The following SP140 variants were observed in gnomAD, a reference collection of about 807,000 sequenced individuals.
SP140 encodes the protein nuclear body protein SP140.
In SP140, 81 loss-of-function variants were observed where a neutral mutation model predicts 125.0. The observed-to-expected ratio is 0.65, with a 90% CI of 0.54 to 0.78. The LOEUF (loss-of-function observed/expected upper bound fraction) is 0.78. SP140 is among the 30% of genes least tolerant of loss of function. The pLI, the probability that SP140 is intolerant of heterozygous loss-of-function variation, is 0.00. For missense variants in SP140, 858 were observed against 1,037.0 expected, an observed-to-expected ratio of 0.83 and a Z score of 2.37; for synonymous variants, 312 against 354.0, an observed-to-expected ratio of 0.88 and a Z score of 1.33.
At chr2:230,236,968 T>G in intron 1 of SP140, 115 bp from the exon 2 acceptor site, 1 of 702,488 alleles carries the variant, frequency 1.4e-6, no homozygotes, top group Non-Finnish European at 2.3e-6. Context: ...ACAAGAATGC[T>G]TATTTTATAC....
intron 19 of SP140, among the ~76,000 whole-genome samples, chr2:230,291,698 T>C (rs1369942520): frequency 2.6e-5 from 4 of 152,254 alleles, no homozygotes; most frequent in African/African-American, 9.6e-5. Flanking sequence ...TTGGCTATTA[T>C]AAATAATGCT....
downstream of SP140, among the ~76,000 whole-genome samples, chr2:230,313,638 G>A (rs919046740): frequency 1.3e-5 from 2 of 152,132 alleles, no homozygotes; most frequent in Non-Finnish European, 2.9e-5. Flanking sequence ...CTTGCTTAAG[G>A]GACTTCATCC....
intron 1 of SP140, among the ~76,000 whole-genome samples, chr2:230,232,190 CTTGGGGT>C (rs2047357420): frequency 1.3e-5 from 2 of 152,152 alleles, no homozygotes; most frequent in African/African-American, 2.4e-5. Context: ...AGAGATTTTT[CTTGGGGT>C]TTGTGGAGGT....
rs567906469 is a variant in SP140, at chr2:230,257,574, C to T, written c.1240+2042C>T. On this transcript the variant is annotated intron_variant, in intron 12 of 26. Transcript: ENST00000392045. The stretch of plus-strand genomic sequence containing the variant: ...TTGAGGTCAGGAGTTCAAGGCCAGC[C>T]GGGCCAACATGGCAAAACCCCATCT... Among the ~76,000 whole-genome samples, 11 of 152,152 alleles carry T rather than the reference C, an allele frequency of 7.2e-5. No homozygotes were observed. In the South Asian group the frequency reaches 1.7e-3, roughly 23 times the overall value.
At chr2:230,253,098 A>T in intron 10 of SP140, among the ~76,000 whole-genome samples, 1 of 152,318 alleles carries the variant, frequency 6.6e-6, no homozygotes, top group Middle Eastern at 3.4e-3. Context: ...CCAGTTGGAG[A>T]GAAGATCAGA....
At chr2:230,224,070 G>A (rs2046042323), upstream of SP140, among the ~76,000 whole-genome samples, 1 of 152,178 alleles carries the variant, frequency 6.6e-6, no homozygotes, top group Non-Finnish European at 1.5e-5. Context: ...ACAAGATAGT[G>A]GGAAATAGAA....
the SP140 span, among the ~76,000 whole-genome samples, chr2:230,194,670 A>G: frequency 0.028 from 4,244 of 152,272 alleles, 196 homozygotes; most frequent in African/African-American, 0.096. Context: ...TGAACACTCT[A>G]TGACTCCAAA....
rs1373908452 is a variant in SP140, at chr2:230,285,699, C to T, written c.1565-53C>T. The T allele has an allele frequency of 4.2e-6, 6 of 1,428,774 alleles. No homozygotes were observed. In the East Asian group the frequency reaches 1.1e-4, roughly 27 times the overall value. 88.5% of individuals were successfully genotyped at this position (1,428,774 alleles called of 1,614,324 possible). Reference sequence around the variant, plus strand: ...CTCACTTGCGTTTGTTCCTGCCTGACAGCTGTTGTTCTGCCCAGTTCTATT... The same window carrying T: ...CTCACTTGCGTTTGTTCCTGCCTGATAGCTGTTGTTCTGCCCAGTTCTATT... On this transcript the variant is annotated intron_variant, in intron 16 of 26. Coordinates refer to ENST00000392045, the MANE Select transcript of SP140 (RefSeq NM_007237.5).
chr2:230,256,732 G>T (rs1020299900), intron 12 of SP140, among the ~76,000 whole-genome samples: 1 of 152,072 alleles, frequency 6.6e-6, no homozygotes, highest in Non-Finnish European at 1.5e-5. Flanking sequence ...TTCCTCTGCT[G>T]GTAGATACTT....
chr2:230,215,263 G>T (rs2044983454), intron 3 of SP140: 2 of 688,382 alleles, frequency 2.9e-6, no homozygotes, highest in Non-Finnish European at 4.9e-6. Context: ...ATTCTCTAAG[G>T]TAGAGCGGTC....
At chr2:230,293,121 C>A (rs1439727502) in intron 20 of SP140, among the ~76,000 whole-genome samples, 1 of 152,128 alleles carries the variant, frequency 6.6e-6, no homozygotes, top group Non-Finnish European at 1.5e-5. Flanking sequence ...GAAAGAATGG[C>A]ATAAAAGCCA....
intron 15 of SP140, among the ~76,000 whole-genome samples, chr2:230,276,647 A>G (rs955418972): frequency 3.1e-5 from 4 of 129,272 alleles, no homozygotes; most frequent in Non-Finnish European, 4.9e-5. Flanking sequence ...TATTTAAGAA[A>G]CACATGTTGT....
At chr2:230,233,024 C>A (rs897637828) in intron 1 of SP140, among the ~76,000 whole-genome samples, 5 of 151,954 alleles carry the variant, frequency 3.3e-5, no homozygotes, top group African/African-American at 1.2e-4. Context: ...CTATTTTGAC[C>A]ATTTATAATT....
chr2:230,275,047 G>A (rs1179939584), intron 15 of SP140, among the ~76,000 whole-genome samples: 2 of 151,900 alleles, frequency 1.3e-5, no homozygotes, highest in East Asian at 1.9e-4. Flanking sequence ...TTTGTTATTG[G>A]CCATTTTTGT....
chr2:230,196,578 C>T, the SP140 span, among the ~76,000 whole-genome samples: 3 of 151,346 alleles, frequency 2.0e-5, no homozygotes, highest in Non-Finnish European at 2.9e-5. Context: ...TTTTAGGGTA[C>T]ATGTGCACAA....
upstream of SP140, chr2:230,200,441 C>T (rs1224697805): frequency 1.6e-5 from 3 of 186,920 alleles, no homozygotes; most frequent in Admixed American, 5.5e-5. Flanking sequence ...ATGAGTTTTT[C>T]GCTTCTCAAT....
intron 3 of SP140, chr2:230,239,216 T>C (rs1178203638): frequency 3.4e-6 from 1 of 291,570 alleles, no homozygotes; most frequent in East Asian, 9.2e-5. Context: ...ATACTGTGCA[T>C]GCCTCCTTTG....
At chr2:230,266,573 C>G (rs1233396694) in intron 12 of SP140, among the ~76,000 whole-genome samples, 1 of 152,240 alleles carries the variant, frequency 6.6e-6, no homozygotes, top group Non-Finnish European at 1.5e-5. Context: ...ACTTAGTTCT[C>G]TGCTTAGAGT....
chr2:230,223,903 G>A (rs527328008), upstream of SP140, among the ~76,000 whole-genome samples: 1 of 152,168 alleles, frequency 6.6e-6, no homozygotes, highest in Non-Finnish European at 1.5e-5. Flanking sequence ...TCTGGATGGG[G>A]GAACAGAGCC....
Sources: gnomAD v4.1 joint callset for allele counts (sites outside exome capture counted in the v4.1 genomes callset) on GRCh38, gnomAD v4.1.1 for gene constraint, MANE v1.5 for transcripts, NCBI Gene and HGNC (gene_info 2026-07-23, HGNC 2026-07-21) for gene names.